ADAMTSL1: variants seen among roughly 807,000 people sequenced by gnomAD.
ADAMTSL1 encodes ADAMTS like 1.
Under a neutral mutation model 201.8 loss-of-function variants are expected in ADAMTSL1, and 126 were observed. That is an observed-to-expected ratio of 0.62 (90% confidence interval 0.54 to 0.72). The LOEUF is 0.72. ADAMTSL1 is among the 30% of genes least tolerant of loss of function. ADAMTSL1 has a pLI of 0.00. For synonymous variants in ADAMTSL1, 1,121 were observed against 903.4 expected (o/e 1.24, Z -4.32); for missense variants, 2,679 against 2,277.8 (o/e 1.18, Z -3.59).
intron 16 of ADAMTSL1, among the ~76,000 whole-genome samples, chr9:18,762,839 T>C (rs1381936417): frequency 6.6e-6 from 1 of 152,226 alleles, no homozygotes; most frequent in East Asian, 1.9e-4. Context: ...ATCTCATTCT[T>C]TTTATGTTTG....
In ADAMTSL1 at chr9:18,572,746, T is replaced by C. The variant is rs912582502; in HGVS notation, c.238-1284T>C. ...AATTTTCAGTGCTGTTTTAGAATGC[T>C]TATTTAAAGGTAAAGAGATTTTTCA... On this transcript the variant is annotated intron_variant, in intron 3 of 28. Transcript: ENST00000380548. 1.6e-4 allele frequency among the ~76,000 whole-genome samples: 24 copies of C among 152,202 alleles called. 1 individual carries two copies. The highest frequency in any genetic ancestry group is 5.5e-4 in the African/African-American group (23 of 41,468).
chr9:18,613,549 T>C (rs1357272057), intron 4 of ADAMTSL1, among the ~76,000 whole-genome samples: 2 of 152,148 alleles, frequency 1.3e-5, no homozygotes, highest in African/African-American at 4.8e-5. Context: ...AGAATGAGAT[T>C]ATGTCCTTTG....
intron 23 of ADAMTSL1, among the ~76,000 whole-genome samples, chr9:18,843,936 G>C (rs6475259): frequency 0.038 from 5,707 of 152,000 alleles, 382 homozygotes; most frequent in African/African-American, 0.13. Context: ...ATACATTCGT[G>C]TAAATTTTTT....
intron 14 of ADAMTSL1, among the ~76,000 whole-genome samples, chr9:18,714,687 C>T (rs1459328351): frequency 1.3e-5 from 2 of 151,536 alleles, no homozygotes; most frequent in East Asian, 1.9e-4. Flanking sequence ...GAACTGGTAC[C>T]ATTCCTTCTG....
intron 7 of ADAMTSL1, among the ~76,000 whole-genome samples, chr9:18,650,414 G>C (rs917439614): frequency 6.6e-6 from 1 of 152,026 alleles, no homozygotes; most frequent in South Asian, 2.1e-4. Context: ...TGCACCCACT[G>C]TCTGGCACTC....
intron 2 of ADAMTSL1, among the ~76,000 whole-genome samples, chr9:18,244,608 C>T (rs1031722693): frequency 6.6e-6 from 1 of 152,110 alleles, no homozygotes; most frequent in Non-Finnish European, 1.5e-5. Context: ...AGCATGAACT[C>T]ATTTATTGCT....
rs758418046 is a variant in ADAMTSL1, at chr9:18,503,427, A to G, written c.64-1402A>G. ...CTGAATAGTATTCCATTGTGTATAT[A>G]TATATATATATATACCACATTTTGT... On this transcript the variant is annotated intron_variant, in intron 1 of 28. Coordinates refer to ENST00000380548, the MANE Select transcript of ADAMTSL1 (RefSeq NM_001040272.6). Among the ~76,000 whole-genome samples, 28 of 146,894 alleles carry G rather than the reference A, an allele frequency of 1.9e-4. 1 individual carries two copies. The highest frequency in any genetic ancestry group is 3.5e-3 in the Middle Eastern group (1 of 288).
chr9:18,384,296 C>A lies in ADAMTSL1; in HGVS notation c.208-120533C>A, dbSNP rs553539548. ...GGGGAAGTGCCACACACTTTTAAAC[C>A]GCCATATCTCATGAGAACTCATGAT... On this transcript the variant is annotated intron_variant, in intron 2 of 29. Coordinates refer to the ADAMTSL1 transcript ENST00000680146. Among the ~76,000 whole-genome samples, 3 of 152,116 alleles carry A rather than the reference C, an allele frequency of 2.0e-5. No homozygotes were observed. The South Asian group carries it at 6.2e-4, about 32-fold the overall frequency.
Position 18,537,842 on chromosome 9 carries a change from C to A in ADAMTSL1, c.237+4550C>A, listed in dbSNP as rs147955461. Among the ~76,000 whole-genome samples, 63 of 134,834 alleles carry A rather than the reference C, an allele frequency of 4.7e-4. 1 individual carries two copies. The highest frequency in any genetic ancestry group is 1.8e-3 in the African/African-American group (62 of 35,150). 88.5% of individuals were successfully genotyped at this position (134,834 alleles called of 152,430 possible). ...TGAGCCTTGTTTACACCACTGCACT[C>A]AAGACTGGAAGACAGAGCAAGACCT... is the stretch of plus-strand genomic sequence containing the variant. On this transcript the variant is annotated intron_variant, in intron 3 of 28. Coordinates refer to ENST00000380548, the MANE Select transcript of ADAMTSL1 (RefSeq NM_001040272.6).
At chr9:18,313,892 A>C (rs988285506) in intron 2 of ADAMTSL1, among the ~76,000 whole-genome samples, 8 of 152,202 alleles carry the variant, frequency 5.3e-5, no homozygotes, top group African/African-American at 1.9e-4. Context: ...ATGAAAAGGC[A>C]ACCTATAGAA....
intron 1 of ADAMTSL1, among the ~76,000 whole-genome samples, chr9:18,061,785 G>C (rs1822465687): frequency 6.6e-6 from 1 of 152,168 alleles, no homozygotes; most frequent in Non-Finnish European, 1.5e-5. Flanking sequence ...ACAGAGATCA[G>C]TTTGGGACCA....
chr9:18,745,547 A>G (rs1372547215), intron 15 of ADAMTSL1, among the ~76,000 whole-genome samples: 4 of 152,040 alleles, frequency 2.6e-5, no homozygotes, highest in African/African-American at 7.2e-5. Flanking sequence ...GATTCCTTTT[A>G]ATGGAGAATG....
chr9:17,992,851 T>G (rs531145906), intron 1 of ADAMTSL1, among the ~76,000 whole-genome samples: 2 of 152,318 alleles, frequency 1.3e-5, no homozygotes, highest in South Asian at 2.1e-4. Context: ...CAGGTTTCTG[T>G]AATCCCCTAA....
At chr9:18,099,342 TA>T in intron 1 of ADAMTSL1, among the ~76,000 whole-genome samples, 1 of 47,896 alleles carries the variant, frequency 2.1e-5, no homozygotes. Flanking sequence ...TATATATATA[TA>T]TATATATATA....
At chr9:17,930,208 T>G (rs1563902204) in intron 1 of ADAMTSL1, among the ~76,000 whole-genome samples, 1 of 152,168 alleles carries the variant, frequency 6.6e-6, no homozygotes, top group East Asian at 1.9e-4. Flanking sequence ...TTCAAGCACC[T>G]GGTTTGATGG....
intron 2 of ADAMTSL1, among the ~76,000 whole-genome samples, chr9:18,219,760 C>G (rs1341591550): frequency 2.0e-5 from 3 of 152,122 alleles, no homozygotes; most frequent in African/African-American, 7.2e-5. Flanking sequence ...AGTTCTTTGT[C>G]ACTTACAGTG....
At position 18,777,189 on chromosome 9, in the gene ADAMTSL1, G is replaced by A. The variant is rs369132241; in HGVS notation, c.2960G>A (p.Gly987Asp). The A allele has an allele frequency of 8.1e-6, 13 of 1,612,868 alleles. No individual in the cohort carries two copies. In the East Asian group the frequency reaches 1.8e-4, roughly 22 times the overall value. The change falls in exon 19 of 29, where the codon GGC becomes GAC. Residue 987 changes from glycine (G) to aspartate (D), a missense_variant. Physicochemically the swap from Gly to Asp is moderately conservative, Grantham distance 94 (BLOSUM62 -1). Transcript: ENST00000380548. ...GAGGTGCTTGCGGGGAGGAAGGGCG[G>A]CCCGAAGGAGGCCCTGCAGACCCAC... Reference protein sequence around the residue: ...EEEVLAGRKGGPKEALQTHKH... With the variant: ...EEEVLAGRKGDPKEALQTHKH...
intron 20 of ADAMTSL1, among the ~76,000 whole-genome samples, chr9:18,811,039 A>AAC: frequency 6.7e-6 from 1 of 149,132 alleles, no homozygotes; most frequent in African/African-American, 2.5e-5. Flanking sequence ...AAAAAAACAA[A>AAC]CACCAGCTAG....
At chr9:18,603,276 A>G (rs1489543344) in intron 4 of ADAMTSL1, among the ~76,000 whole-genome samples, 2 of 152,214 alleles carry the variant, frequency 1.3e-5, no homozygotes, top group African/African-American at 4.8e-5. Flanking sequence ...TGACTTGGAA[A>G]AAGTTATGCA....
Sources: allele counts gnomAD v4.1 joint callset (sites outside exome capture counted in the v4.1 genomes callset), GRCh38; gene constraint gnomAD v4.1.1; transcripts MANE v1.5; gene names NCBI Gene and HGNC (gene_info 2026-07-23, HGNC 2026-07-21).